Variants in GPHN observed in about 807,000 individuals in gnomAD.
GPHN encodes gephyrin.
In GPHN, 17 loss-of-function variants were observed where a neutral mutation model predicts 95.5. The ratio of observed to expected loss-of-function variants is 0.18; its 90% CI spans 0.12 to 0.27. The LOEUF (loss-of-function observed/expected upper bound fraction) is 0.27, where lower values mean the gene tolerates loss of function less well. Ranked by LOEUF, GPHN falls within the 10% of genes least tolerant of loss-of-function variation. The pLI is 1.00. For missense variants in GPHN, 660 were observed against 978.1 expected (o/e 0.67, Z 4.34); for synonymous variants, 320 against 322.5 (o/e 0.99, Z 0.08).
At chr14:67,725,015 G>A in the GPHN span, 1 of 1,443,668 alleles carries the variant, frequency 6.9e-7, no homozygotes, top group Non-Finnish European at 9.7e-7. Context: ...TGAATGCTCT[G>A]TCCCCCAGTC....
At chr14:66,520,246 G>A (rs1262210787) in intron 1 of GPHN, among the ~76,000 whole-genome samples, 3 of 152,020 alleles carry the variant, frequency 2.0e-5, no homozygotes, top group Admixed American at 1.3e-4. Context: ...GAATTTTGGG[G>A]TCAAGGGTAT....
At chr14:66,761,970 T>C (rs2058773942) in intron 2 of GPHN, among the ~76,000 whole-genome samples, 2 of 152,288 alleles carry the variant, frequency 1.3e-5, no homozygotes, top group South Asian at 4.1e-4. Context: ...TGGTAGAGCA[T>C]ACTTTATTTT....
the GPHN span, among the ~76,000 whole-genome samples, chr14:67,442,328 G>A: frequency 6.6e-5 from 10 of 152,290 alleles, no homozygotes; most frequent in African/African-American, 2.4e-4. Flanking sequence ...CGTTGGTTCA[G>A]TGGGTTGGCC....
chr14:67,000,173 A>G (rs1055702423), intron 9 of GPHN, among the ~76,000 whole-genome samples: 11 of 151,836 alleles, frequency 7.2e-5, no homozygotes, highest in African/African-American at 2.4e-4. Context: ...CACTATTAGG[A>G]CACCAATTCT....
At chr14:67,323,871 C>G in the GPHN span, 1 of 852,400 alleles carries the variant, frequency 1.2e-6, no homozygotes, top group Admixed American at 2.7e-5. Flanking sequence ...CAGTCCTGGT[C>G]TAATTTGTCC....
intron 13 of GPHN, among the ~76,000 whole-genome samples, chr14:67,107,661 G>T (rs1442618482): frequency 6.6e-6 from 1 of 152,192 alleles, no homozygotes; most frequent in Non-Finnish European, 1.5e-5. Context: ...GGATGGTGGG[G>T]CTACGCAGGT....
chr14:67,467,237 G>C, the GPHN span: 1 of 152,148 alleles, frequency 6.6e-6, no homozygotes, highest in East Asian at 1.9e-4. Flanking sequence ...CTCACTGCAG[G>C]TATCTAATAA....
chr14:66,776,530 TG>T lies in GPHN; in HGVS notation c.201+11del. 6.5e-7 allele frequency: 1 copy of T among 1,528,460 alleles called. No homozygotes were observed. The highest frequency in any genetic ancestry group is 9.1e-7 in the Non-Finnish European group (1 of 1,102,814). The allele number at this position is 1,528,460 out of a possible 1,614,324, so 94.7% of individuals were successfully genotyped here. A position where few individuals can be genotyped will look rare whatever the true frequency, so the allele number is the denominator to read the frequency against. ...AAATAGAAGAAATCAAGGTATAGTA[TG>T]GCATTTTTCACCTCTACAAACATTT... On this transcript the variant is annotated intron_variant, in intron 3 of 22. Coordinates refer to ENST00000478722, the MANE Select transcript of GPHN (RefSeq NM_020806.5).
chr14:67,500,635 G>A, the GPHN span, among the ~76,000 whole-genome samples: 1 of 148,396 alleles, frequency 6.7e-6, no homozygotes, highest in Non-Finnish European at 1.5e-5. Flanking sequence ...GCAGTGGCGC[G>A]ATCTCGGCTC....
intron 12 of GPHN, among the ~76,000 whole-genome samples, chr14:67,095,966 C>CAAAAAAAAAAAAAAAAAAAAGA (rs2077369282): frequency 1.5e-5 from 1 of 67,084 alleles, no homozygotes; most frequent in Non-Finnish European, 3.6e-5. Context: ...AAGAAAAAGG[C>CAAAAAAAAAAAAAAAAAAAAGA]AAAAAAAAAA....
chr14:67,517,430 A>G, the GPHN span, among the ~76,000 whole-genome samples: 1 of 152,256 alleles, frequency 6.6e-6, no homozygotes. Context: ...ACCCGCAAAA[A>G]TGTATGAATT....
chr14:67,086,649 C>CA (rs59947004), intron 11 of GPHN, among the ~76,000 whole-genome samples: 3,895 of 84,414 alleles, frequency 0.046, 113 homozygotes, highest in East Asian at 0.22. Flanking sequence ...GACTCTGTCT[C>CA]AAAAAAAAAA....
the GPHN span, among the ~76,000 whole-genome samples, chr14:67,469,280 G>A: frequency 1.3e-5 from 2 of 152,056 alleles, no homozygotes; most frequent in Non-Finnish European, 2.9e-5. Flanking sequence ...TTTGCGTTTA[G>A]CTGAAATTAC....
At chr14:66,549,792 A>G (rs1301688281) in intron 1 of GPHN, among the ~76,000 whole-genome samples, 1 of 152,222 alleles carries the variant, frequency 6.6e-6, no homozygotes, top group Non-Finnish European at 1.5e-5. Flanking sequence ...AGTTGAAGCC[A>G]GTGCTTATTT....
chr14:67,334,303 A>ATAAT, the GPHN span: 1 of 152,662 alleles, frequency 6.6e-6, no homozygotes, highest in African/African-American at 2.4e-5. Flanking sequence ...TTCAACGTAT[A>ATAAT]TAATTGGCAT....
intron 11 of GPHN, among the ~76,000 whole-genome samples, chr14:67,079,825 T>C (rs562954861): frequency 5.3e-5 from 8 of 152,196 alleles, no homozygotes; most frequent in Non-Finnish European, 8.8e-5. Context: ...CTTTAATTGT[T>C]TATTCATTCA....
intron 1 of GPHN, among the ~76,000 whole-genome samples, chr14:66,547,400 G>A (rs1162231817): frequency 3.3e-5 from 5 of 152,150 alleles, no homozygotes; most frequent in African/African-American, 9.7e-5. Context: ...AAGTAAAAGA[G>A]TCTGAAAACT....
rs1029567537 is a variant in GPHN at position 66,777,953 on chromosome 14, A to G, written c.201+1432A>G. Among the ~76,000 whole-genome samples, 28 of 152,276 alleles carry G rather than the reference A, an allele frequency of 1.8e-4. No homozygotes were observed. The East Asian group carries it at 4.6e-3, about 25-fold the overall frequency. On this transcript the variant is annotated intron_variant, in intron 3 of 22. Coordinates refer to ENST00000478722, the MANE Select transcript of GPHN (RefSeq NM_020806.5). ...CTCTCTCACCACTCCTATTCAACAT[A>G]GTGTTGGAAGTTCTGGCCAGGGCAA...
chr14:66,583,539 A>G (rs937913208), intron 1 of GPHN, among the ~76,000 whole-genome samples: 1 of 152,044 alleles, frequency 6.6e-6, no homozygotes, highest in African/African-American at 2.4e-5. Flanking sequence ...TAAGTCTTTA[A>G]TCCATCTTGA....
Sources: allele counts gnomAD v4.1 joint callset (sites outside exome capture counted in the v4.1 genomes callset), GRCh38; gene constraint gnomAD v4.1.1; transcripts MANE v1.5; gene names NCBI Gene and HGNC (gene_info 2026-07-23, HGNC 2026-07-21).